The following TMEM245 variants were observed in gnomAD, a reference collection of about 807,000 sequenced individuals.
The protein encoded by TMEM245 is protein CG-2.
TMEM245 carries 69 observed loss-of-function variants against 101.2 expected under a neutral mutation model. The observed-to-expected ratio is 0.68, with a 90% CI of 0.56 to 0.83. The LOEUF (loss-of-function observed/expected upper bound fraction) is 0.83. Among genes scored for constraint, TMEM245 ranks in the 40% least tolerant of loss-of-function variants. The pLI is 0.00. For synonymous variants in TMEM245, 537 were observed against 449.8 expected (o/e 1.19, Z -2.45); for missense variants, 1,075 against 1,092.8 (o/e 0.98, Z 0.23).
chr9:109,064,414 A>G, intron 10 of TMEM245, 63 bp downstream of exon 10: 2 of 1,459,686 alleles, frequency 1.4e-6, no homozygotes, highest in Non-Finnish European at 1.9e-6. Flanking sequence ...TTATCAAAGC[A>G]ACAAGCAACC....
chr9:109,029,246 T>C (rs1827879318), intron 17 of TMEM245, among the ~76,000 whole-genome samples: 1 of 152,000 alleles, frequency 6.6e-6, no homozygotes, highest in African/African-American at 2.4e-5. Flanking sequence ...AAAGTCAAAA[T>C]AAAATAAATT....
intron 10 of TMEM245, among the ~76,000 whole-genome samples, chr9:109,061,225 A>G (rs72760327): frequency 0.13 from 20,253 of 152,046 alleles, 1,584 homozygotes; most frequent in African/African-American, 0.19. Flanking sequence ...CTGAGATGAG[A>G]GGATCACCTG....
chr9:109,066,591 A>G (rs1829176808), intron 9 of TMEM245, among the ~76,000 whole-genome samples: 1 of 152,026 alleles, frequency 6.6e-6, no homozygotes, highest in South Asian at 2.1e-4. Flanking sequence ...GTGATTCGGG[A>G]GAAATTAAGT....
At chr9:109,065,205 G>A (rs915144301) in intron 9 of TMEM245, among the ~76,000 whole-genome samples, 1 of 152,174 alleles carries the variant, frequency 6.6e-6, no homozygotes, top group African/African-American at 2.4e-5. Context: ...AAAGAAAATG[G>A]TTCTGGGAGA....
Position 109,015,972 on chromosome 9 carries a change from T to C in TMEM245, c.*4488A>G, listed in dbSNP as rs1243672957. ...CTTAAGTATAGCTCTAAACAGCAAATATACTTGCTTTCTGGACTTCAAGAT... is the reference window on the plus strand; with the variant it reads ...CTTAAGTATAGCTCTAAACAGCAAACATACTTGCTTTCTGGACTTCAAGAT... On this transcript the variant is annotated 3_prime_UTR_variant, in exon 18 of 18. Transcript: ENST00000374586. The C allele has an allele frequency of 6.6e-6, 1 of 152,588 alleles. No individual in the cohort carries two copies. The highest frequency in any genetic ancestry group is 1.5e-5 in the Non-Finnish European group (1 of 68,030). The allele number at this position is 152,588 out of a possible 1,614,324, so 9.5% of individuals were successfully genotyped here.
intron 3 of TMEM245, among the ~76,000 whole-genome samples, chr9:109,105,808 G>A (rs1830396890): frequency 6.6e-6 from 1 of 151,934 alleles, no homozygotes; most frequent in South Asian, 2.1e-4. Flanking sequence ...GTCTCGCTCT[G>A]TTGCCAGGCT....
At chr9:109,056,229 G>T (rs1271783506) in intron 12 of TMEM245, among the ~76,000 whole-genome samples, 1 of 152,092 alleles carries the variant, frequency 6.6e-6, no homozygotes, top group Non-Finnish European at 1.5e-5. Flanking sequence ...GCATACAGCA[G>T]GGCACTGCTG....
rs558150692 is a variant in TMEM245, at chr9:109,115,978, C to G, written c.579+3357G>C. Reference sequence around the variant, plus strand: ...CCATTTACTGACAGCATCAACAGTTCTCTGAATTAGTTTTCTCACATATGA... The same window carrying G: ...CCATTTACTGACAGCATCAACAGTTGTCTGAATTAGTTTTCTCACATATGA... On this transcript the variant is annotated intron_variant, in intron 1 of 17. Coordinates refer to ENST00000374586, the MANE Select transcript of TMEM245 (RefSeq NM_032012.4). Among the ~76,000 whole-genome samples the G allele has an allele frequency of 1.9e-3, 288 of 152,318 alleles. 1 individual carries two copies. The highest frequency in any genetic ancestry group is 3.2e-3 in the Non-Finnish European group (221 of 68,032).
At chr9:109,093,147 G>A (rs1408565356) in intron 4 of TMEM245, among the ~76,000 whole-genome samples, 1 of 151,900 alleles carries the variant, frequency 6.6e-6, no homozygotes, top group African/African-American at 2.4e-5. Flanking sequence ...GGGAAATGTG[G>A]GAAAGGTAAA....
At chr9:109,023,852 A>C (rs1487523332) in intron 17 of TMEM245, among the ~76,000 whole-genome samples, 1 of 151,780 alleles carries the variant, frequency 6.6e-6, no homozygotes, top group Middle Eastern at 3.2e-3. Context: ...AAAAAAAAAA[A>C]AGAATAAGCA....
At chr9:109,045,628 T>C (rs1221012419) in intron 14 of TMEM245, among the ~76,000 whole-genome samples, 5 of 152,228 alleles carry the variant, frequency 3.3e-5, no homozygotes, top group Admixed American at 1.3e-4. Context: ...TAAACGTGTA[T>C]TTCAAAACTA....
At chr9:109,109,579 A>T (rs1830516359) in intron 1 of TMEM245, among the ~76,000 whole-genome samples, 1 of 152,170 alleles carries the variant, frequency 6.6e-6, no homozygotes, top group East Asian at 1.9e-4. Context: ...CAATACAAAT[A>T]ATCTTCGCAT....
rs1414713481 is a variant in TMEM245, at chr9:109,119,742, C to T, written c.172G>A (p.Gly58Arg). The change falls in exon 1 of 18, where the codon GGG becomes AGG. Residue 58 changes from glycine to arginine, a missense_variant. Transcript: ENST00000374586. ...CACAGGCACACGAACAGCACGGCCC[C>T]GGTGTTGTAGAAGGCCTGCTTAATG... ...KPIKQAFYNT[G>R]AVLFVCLCCG... The T allele has an allele frequency of 6.5e-7, 1 of 1,531,220 alleles. No individual in the cohort carries two copies. 94.9% of individuals were successfully genotyped at this position (1,531,220 alleles called of 1,614,324 possible). A position where few individuals can be genotyped will look rare whatever the true frequency, so the allele number is the denominator to read the frequency against.
In TMEM245 at chr9:109,119,770, C is replaced by T. The variant is rs759973833; in HGVS notation, c.144G>A (p.Lys48=). The change falls in exon 1 of 18, where the codon AAG becomes AAA. Residue 48 remains lysine, a synonymous_variant. Transcript: ENST00000374586. ...TGTTGTAGAAGGCCTGCTTAATGGG[C>T]TTGTCGAAGCGCAGCGCCAGCGCCG... ...RTAALALRFD[K]PIKQAFYNTG... is the part of the protein sequence containing the mutation. The T allele has an allele frequency of 6.7e-7, 1 of 1,493,272 alleles. No homozygotes were observed. The highest frequency in any genetic ancestry group is 2.8e-5 in the East Asian group (1 of 35,190). The allele number at this position is 1,493,272 out of a possible 1,614,324, so 92.5% of individuals were successfully genotyped here.
chr9:109,036,807 C>T (rs531468210), intron 15 of TMEM245, among the ~76,000 whole-genome samples: 1 of 152,200 alleles, frequency 6.6e-6, no homozygotes, highest in Admixed American at 6.5e-5. Flanking sequence ...GTTGAAGGAC[C>T]CTGCTTCAAG....
At chr9:109,024,341 T>G (rs78543144) in intron 17 of TMEM245, among the ~76,000 whole-genome samples, 2,584 of 152,322 alleles carry the variant, frequency 0.017, 85 homozygotes, top group African/African-American at 0.058. Context: ...CCCATCGTCT[T>G]TTATCAGCCT....
intron 3 of TMEM245, among the ~76,000 whole-genome samples, chr9:109,105,113 C>T (rs768212626): frequency 1.3e-5 from 2 of 151,988 alleles, no homozygotes; most frequent in Non-Finnish European, 2.9e-5. Flanking sequence ...TGATAAGGGT[C>T]TAGTATCTAG....
chr9:109,119,125 C>T (rs1362179899), intron 1 of TMEM245, among the ~76,000 whole-genome samples: 1 of 152,236 alleles, frequency 6.6e-6, no homozygotes, highest in African/African-American at 2.4e-5. Flanking sequence ...AGGCGAAAAG[C>T]AGGGAGGCTG....
intron 12 of TMEM245, among the ~76,000 whole-genome samples, chr9:109,052,208 C>T (rs1417591806): frequency 1.3e-5 from 2 of 152,134 alleles, no homozygotes; most frequent in Non-Finnish European, 2.9e-5. Flanking sequence ...ACAAAATGAC[C>T]AGAAAAACAC....
Sources: gnomAD v4.1 joint callset for allele counts (sites outside exome capture counted in the v4.1 genomes callset) on GRCh38, gnomAD v4.1.1 for gene constraint, MANE v1.5 for transcripts, NCBI Gene and HGNC (gene_info 2026-07-23, HGNC 2026-07-21) for gene names.